GPD2: variants seen among roughly 807,000 people sequenced by gnomAD.
The protein encoded by GPD2 is glycerol-3-phosphate dehydrogenase, mitochondrial.
In GPD2, 54 loss-of-function variants were observed where a neutral mutation model predicts 82.4. That is an observed-to-expected ratio of 0.66 (90% CI 0.53 to 0.82). The LOEUF is 0.82. GPD2 is among the 40% of genes least tolerant of loss of function. The probability of loss-of-function intolerance (pLI) is 0.00; values close to 1 mark genes in which losing one functional copy is unlikely to be tolerated. For synonymous variants in GPD2, 288 were observed against 306.1 expected (o/e 0.94, Z 0.62); for missense variants, 748 against 896.2 (o/e 0.83, Z 2.11).
In GPD2 at chr2:156,467,091, G is replaced by GT. The variant is rs1396016439; in HGVS notation, c.-8-9004dup. On this transcript the variant is annotated intron_variant, in intron 1 of 16. Coordinates refer to ENST00000438166, the MANE Select transcript of GPD2 (RefSeq NM_000408.5). ...GTTTATTTTCTTTCGCTTTCTCTTT[G>GT]TTTCATGATTTTTTTTTTTTCTCAT... Among the ~76,000 whole-genome samples, 19 of 151,448 alleles carry GT rather than the reference G, an allele frequency of 1.3e-4. No individual in the cohort carries two copies. The East Asian group carries it at 3.3e-3, about 26-fold the overall frequency.
At chr2:156,509,685 C>T (rs1181502894) in intron 3 of GPD2, among the ~76,000 whole-genome samples, 1 of 151,710 alleles carries the variant, frequency 6.6e-6, no homozygotes, top group East Asian at 1.9e-4. Flanking sequence ...TCTATAACAG[C>T]CCTCAAGTAA....
At chr2:156,486,822 A>G (rs141310578) in intron 2 of GPD2, among the ~76,000 whole-genome samples, 12 of 152,358 alleles carry the variant, frequency 7.9e-5, no homozygotes, top group Admixed American at 3.3e-4. Context: ...ATGAGTATGC[A>G]TTATAAATTT....
At chr2:156,487,669 G>A (rs1041015907) in intron 2 of GPD2, among the ~76,000 whole-genome samples, 1 of 152,218 alleles carries the variant, frequency 6.6e-6, no homozygotes. Context: ...AATGTTAGGG[G>A]TGTGAGCTGG....
chr2:156,413,175 T>C, the GPD2 span, among the ~76,000 whole-genome samples: 1 of 152,198 alleles, frequency 6.6e-6, no homozygotes, highest in African/African-American at 2.4e-5. Context: ...AGAAACTGCA[T>C]AGAGCCAAAA....
intron 1 of GPD2, among the ~76,000 whole-genome samples, chr2:156,442,694 G>T (rs1408461138): frequency 6.6e-6 from 1 of 152,096 alleles, no homozygotes. Context: ...TCCTACTTAG[G>T]AGGCTGAGGT....
chr2:156,555,515 A>C (rs1450732307), intron 8 of GPD2, among the ~76,000 whole-genome samples: 1 of 152,178 alleles, frequency 6.6e-6, no homozygotes, highest in Non-Finnish European at 1.5e-5. Context: ...AATTGTTAGA[A>C]TATAGAATTT....
the GPD2 span, among the ~76,000 whole-genome samples, chr2:156,426,373 G>T: frequency 6.6e-6 from 1 of 152,236 alleles, no homozygotes; most frequent in Non-Finnish European, 1.5e-5. Context: ...GCCCAGCAAA[G>T]GGGTAAGAGT....
intron 6 of GPD2, among the ~76,000 whole-genome samples, chr2:156,531,118 T>C (rs113067982): frequency 3.3e-5 from 5 of 152,348 alleles, no homozygotes; most frequent in African/African-American, 1.2e-4. Flanking sequence ...CTTCACTCAC[T>C]GAAGTTTAAT....
chr2:156,487,302 ACT>A (rs932216858), intron 2 of GPD2, among the ~76,000 whole-genome samples: 2 of 151,488 alleles, frequency 1.3e-5, no homozygotes, highest in African/African-American at 4.9e-5. Context: ...ACATGGTGAG[ACT>A]CTGTCTCAAA....
At chr2:156,541,219 A>G (rs550140365) in intron 6 of GPD2, among the ~76,000 whole-genome samples, 34 of 152,376 alleles carry the variant, frequency 2.2e-4, no homozygotes, top group South Asian at 1.4e-3. Context: ...GAACTTAAGC[A>G]TATACACCTG....
At chr2:156,433,032 G>C (rs999919867), upstream of GPD2, among the ~76,000 whole-genome samples, 2 of 152,140 alleles carry the variant, frequency 1.3e-5, no homozygotes, top group Non-Finnish European at 2.9e-5. Flanking sequence ...CTCAGGAAAA[G>C]GTGGTTAGTG....
Position 156,570,083 on chromosome 2 carries a change from C to A in GPD2, c.1477-4C>A. The A allele has an allele frequency of 6.2e-7, 1 of 1,610,896 alleles. No homozygotes were observed. Among genetic ancestry groups the A allele is most frequent in the South Asian group, 1.1e-5 (1 of 90,966 alleles). ...GCCTGCCTAACGCAGCTTTATTTCT[C>A]TAGGTGGCACAGCATCTTGCCGCCA... On this transcript the variant is annotated splice_polypyrimidine_tract_variant and splice_region_variant and intron_variant, in intron 11 of 16. Transcript: ENST00000438166.
At chr2:156,493,795 C>T (rs536754736) in intron 2 of GPD2, among the ~76,000 whole-genome samples, 1 of 152,230 alleles carries the variant, frequency 6.6e-6, no homozygotes, top group South Asian at 2.1e-4. Flanking sequence ...CCAAGTCCTA[C>T]CCATCTGTCC....
Position 156,538,554 on chromosome 2 carries a change from T to C in GPD2, c.662-11054T>C, listed in dbSNP as rs540277652. Among the ~76,000 whole-genome samples the C allele has an allele frequency of 2.2e-4, 34 of 151,154 alleles. No homozygotes were observed. In the East Asian group the frequency reaches 6.4e-3, roughly 29 times the overall value. The stretch of plus-strand genomic sequence containing the variant: ...GATCAGGATTGGCTGGGTGTGGTGG[T>C]TCACGCCTGTAATCCCAGCACTTTG... On this transcript the variant is annotated intron_variant, in intron 6 of 16. Transcript: ENST00000438166.
intron 1 of GPD2, among the ~76,000 whole-genome samples, chr2:156,444,090 T>G (rs1424689810): frequency 1.3e-5 from 2 of 152,178 alleles, no homozygotes; most frequent in Non-Finnish European, 2.9e-5. Flanking sequence ...CTGGATGAAT[T>G]TGAAGTCCAT....
At chr2:156,414,625 G>A in the GPD2 span, among the ~76,000 whole-genome samples, 7 of 151,954 alleles carry the variant, frequency 4.6e-5, no homozygotes, top group Middle Eastern at 3.2e-3. Flanking sequence ...ACACTTCAAC[G>A]GCTTTTCAAG....
intron 1 of GPD2, among the ~76,000 whole-genome samples, chr2:156,466,234 A>G (rs756523277): frequency 1.4e-4 from 22 of 152,250 alleles, no homozygotes; most frequent in Admixed American, 3.3e-4. Flanking sequence ...AGTGATACAG[A>G]GTATATATTA....
intron 6 of GPD2, among the ~76,000 whole-genome samples, chr2:156,518,542 A>G (rs999609057): frequency 5.3e-5 from 8 of 152,196 alleles, no homozygotes; most frequent in Non-Finnish European, 8.8e-5. Flanking sequence ...TTACTCCTCT[A>G]GGCATGCACC....
At chr2:156,448,638 C>T (rs1383764942) in intron 1 of GPD2, among the ~76,000 whole-genome samples, 2 of 152,204 alleles carry the variant, frequency 1.3e-5, no homozygotes, top group Non-Finnish European at 2.9e-5. Context: ...CTGGAAGGAG[C>T]TTGCCATGCA....
Sources: gnomAD v4.1 joint callset for allele counts (sites outside exome capture counted in the v4.1 genomes callset) on GRCh38, gnomAD v4.1.1 for gene constraint, MANE v1.5 for transcripts, NCBI Gene and HGNC (gene_info 2026-07-23, HGNC 2026-07-21) for gene names.